Variants in VPS37A observed in about 807,000 individuals in gnomAD.
VPS37A encodes the protein VPS37A subunit of ESCRT-I.
Under a neutral mutation model 49.8 loss-of-function variants are expected in VPS37A, and 30 were observed. That is an observed-to-expected ratio of 0.60 (90% CI 0.45 to 0.82). The LOEUF is 0.82. Ranked by LOEUF, VPS37A falls within the 40% of genes least tolerant of loss-of-function variation. The pLI is 0.00. For missense variants in VPS37A, 593 were observed against 464.4 expected (o/e 1.28, Z -2.55); for synonymous variants, 195 against 160.6 (o/e 1.21, Z -1.62).
At chr8:17,256,383 C>G (rs1376124067) in intron 1 of VPS37A, among the ~76,000 whole-genome samples, 1 of 145,868 alleles carries the variant, frequency 6.9e-6, no homozygotes, top group East Asian at 2.0e-4. Flanking sequence ...AGGAGTCCCA[C>G]TTCAGTCTTG....
rs1816568738 is a variant in VPS37A, at chr8:17,295,709, T to TATC, written c.*724_*726dup. On this transcript the variant is annotated 3_prime_UTR_variant, in exon 12 of 12. Transcript: ENST00000324849. Reference sequence around the variant, plus strand: ...CTTATGCTAATTTAAAACATATATATATCTGGTAGGTTTGTGGTTGGATAG... The same window carrying TATC: ...CTTATGCTAATTTAAAACATATATATATCATCTGGTAGGTTTGTGGTTGGATAG... The TATC allele has an allele frequency of 6.6e-6, 1 of 152,300 alleles. No individual in the cohort carries two copies. Among genetic ancestry groups the TATC allele is most frequent in the South Asian group, 2.1e-4 (1 of 4,836 alleles). 9.4% of individuals were successfully genotyped at this position (152,300 alleles called of 1,614,324 possible).
At chr8:17,276,549 ATTAAAGT>A in intron 6 of VPS37A, 82 bp downstream of exon 6, 1 of 1,372,672 alleles carries the variant, frequency 7.3e-7, no homozygotes, top group South Asian at 1.4e-5. Flanking sequence ...ATCCATATAA[ATTAAAGT>A]TTAAAATTTT....
intron 1 of VPS37A, among the ~76,000 whole-genome samples, chr8:17,253,092 A>G (rs907804873): frequency 2.0e-5 from 3 of 152,186 alleles, no homozygotes; most frequent in African/African-American, 7.2e-5. Context: ...TAATTTTCTC[A>G]TTAGAAATAT....
At chr8:17,318,697 G>T in the VPS37A span, among the ~76,000 whole-genome samples, 1 of 152,190 alleles carries the variant, frequency 6.6e-6, no homozygotes, top group Non-Finnish European at 1.5e-5. Flanking sequence ...TATTGTGCAT[G>T]TTTGGAAGGT....
rs559457050 is a variant in VPS37A, at chr8:17,247,260, C to G, written c.16C>G (p.Pro6Ala). The G allele has an allele frequency of 6.4e-7, 1 of 1,571,482 alleles. No individual in the cohort carries two copies. The highest frequency in any genetic ancestry group is 8.6e-7 in the Non-Finnish European group (1 of 1,158,348). The change falls in exon 1 of 12, where the codon CCC becomes GCC. Residue 6 changes from proline to alanine, a missense_variant. By Grantham distance (27) the Pro-to-Ala change is conservative. Transcript: ENST00000324849. MSWLF[P>A]LTKSASSSAA... ...CCCGAGGAGGATGAGCTGGCTTTTT[C>G]CCCTGACCAAGAGCGCCTCCTCCTC...
chr8:17,311,700 C>T, the VPS37A span: 1 of 1,608,552 alleles, frequency 6.2e-7, no homozygotes, highest in Non-Finnish European at 8.5e-7. Context: ...AACCTCTCAT[C>T]ACAGCCAGGT....
At chr8:17,305,826 T>A (rs1349244477), downstream of VPS37A, 1 of 1,613,740 alleles carries the variant, frequency 6.2e-7, no homozygotes, top group South Asian at 1.1e-5. Context: ...AATGTGATGT[T>A]GAATGTGAAT....
chr8:17,252,456 G>A (rs1174197456), intron 1 of VPS37A, among the ~76,000 whole-genome samples: 2 of 152,186 alleles, frequency 1.3e-5, no homozygotes, highest in East Asian at 1.9e-4. Flanking sequence ...AGGATGACAG[G>A]CATGAGCTGC....
At chr8:17,323,627 C>G in the VPS37A span, among the ~76,000 whole-genome samples, 1 of 152,092 alleles carries the variant, frequency 6.6e-6, no homozygotes. Context: ...AAATGAGCAG[C>G]ACTTGCAGCA....
At position 17,265,908 on chromosome 8, in the gene VPS37A, A is replaced by G. The variant is rs752648504; in HGVS notation, c.127A>G (p.Ile43Val). The change falls in exon 2 of 12, where the codon ATA becomes GTA. Residue 43 changes from isoleucine to valine, a missense_variant and splice_region_variant. Transcript: ENST00000324849. ...IESLRNSHSS[I>V]AEIQKDVEYR... Reference sequence around the variant, plus strand: ...ATTTTTTAAAATTTTCTCCTGCAGTATAGCCGAAATACAGAAAGATGTGGA... The same window carrying G: ...ATTTTTTAAAATTTTCTCCTGCAGTGTAGCCGAAATACAGAAAGATGTGGA... 3.1e-6 allele frequency: 5 copies of G among 1,613,472 alleles called. No homozygotes were observed. Among genetic ancestry groups the G allele is most frequent in the Middle Eastern group, 1.7e-4 (1 of 6,052 alleles).
At position 17,286,403 on chromosome 8, in the gene VPS37A, C is replaced by G; in HGVS notation, c.1170C>G (p.His390Gln). The G allele has an allele frequency of 6.2e-7, 1 of 1,613,882 alleles. No individual in the cohort carries two copies. The highest frequency in any genetic ancestry group is 8.5e-7 in the Non-Finnish European group (1 of 1,179,878). ...EEKLQQAIAM[H>Q]SQFHAPL ...AACTTCAGCAGGCGATAGCAATGCA[C>G]AGCCAATTTCATGCTCCACTATAGG... Residue 390 changes from histidine to glutamine, a missense_variant, in exon 11 of 12, where the codon CAC becomes CAG. His to Gln is a conservative substitution (Grantham distance 24, BLOSUM62 0). Transcript: ENST00000324849.
At position 17,284,607 on chromosome 8, in the gene VPS37A, A is replaced by G. The variant is rs1302253432; in HGVS notation, c.1104A>G (p.Glu368=). 1.2e-6 allele frequency: 2 copies of G among 1,600,414 alleles called. No individual in the cohort carries two copies. The highest frequency in any genetic ancestry group is 2.3e-5 in the East Asian group (1 of 43,768). The change falls in exon 10 of 12, where the codon GAA becomes GAG. Residue 368 remains glutamate (E), a synonymous_variant. Transcript: ENST00000324849. The part of the protein sequence containing the change: ...EIDDFLSSFM[E]KRTICHCRRA... ...ATGATTTTCTCAGTAGCTTCATGGAAAAGAGAACAGTATGTAATACTCGTC... is the reference window on the plus strand; with the variant it reads ...ATGATTTTCTCAGTAGCTTCATGGAGAAGAGAACAGTATGTAATACTCGTC...
At chr8:17,248,346 C>T (rs942865991) in intron 1 of VPS37A, 1 of 454,374 alleles carries the variant, frequency 2.2e-6, no homozygotes, top group South Asian at 1.6e-5. Context: ...TTCACTGCAA[C>T]CTCCGTCTCC....
rs1257185247 is a variant in VPS37A at position 17,247,236 on chromosome 8, C to T, written c.-9C>T. 3 of 1,567,052 alleles carry T rather than the reference C, an allele frequency of 1.9e-6. No individual in the cohort carries two copies. The highest frequency in any genetic ancestry group is 2.3e-5 in the South Asian group (2 of 85,204). On this transcript the variant is annotated 5_prime_UTR_variant, in exon 1 of 12. Transcript: ENST00000324849. The stretch of plus-strand genomic sequence containing the variant: ...CTTCCAGGGCCTCCGGCCCGTGGAC[C>T]CGAGGAGGATGAGCTGGCTTTTTCC...
chr8:17,286,240 A>G, intron 10 of VPS37A, 107 bp from the exon 11 acceptor site: 1 of 856,272 alleles, frequency 1.2e-6, no homozygotes, highest in Non-Finnish European at 1.8e-6. Context: ...CATTCAAAAC[A>G]TAAAATAATG....
the VPS37A span, among the ~76,000 whole-genome samples, chr8:17,319,838 C>T: frequency 9.5e-4 from 144 of 152,140 alleles, no homozygotes; most frequent in African/African-American, 3.4e-3. Flanking sequence ...TCAGCAGGAA[C>T]CAATCTTGGT....
intron 1 of VPS37A, among the ~76,000 whole-genome samples, chr8:17,265,168 A>G (rs1416975688): frequency 6.6e-6 from 1 of 152,194 alleles, no homozygotes; most frequent in Non-Finnish European, 1.5e-5. Flanking sequence ...CTCATGGTGG[A>G]AAATGGCTAT....
chr8:17,314,721 T>C, the VPS37A span, among the ~76,000 whole-genome samples: 1 of 152,104 alleles, frequency 6.6e-6, no homozygotes, highest in Non-Finnish European at 1.5e-5. Flanking sequence ...GAAAAACATA[T>C]TATGAATATG....
At chr8:17,268,806 A>G (rs1813712582) in intron 3 of VPS37A, 50 bp from the exon 4 acceptor site, 2 of 1,245,736 alleles carry the variant, frequency 1.6e-6, no homozygotes, top group Non-Finnish European at 2.3e-6. Flanking sequence ...ATGAGACTTT[A>G]TAATCTTTTT....
Sources: gnomAD v4.1 joint callset for allele counts (sites outside exome capture counted in the v4.1 genomes callset) on GRCh38, gnomAD v4.1.1 for gene constraint, MANE v1.5 for transcripts, NCBI Gene and HGNC (gene_info 2026-07-23, HGNC 2026-07-21) for gene names.